The following FRRS1 variants were observed in gnomAD, a reference collection of about 807,000 sequenced individuals.
The protein encoded by FRRS1 is ferric chelate reductase 1.
Under a neutral mutation model 70.7 loss-of-function variants are expected in FRRS1, and 51 were observed. The ratio of observed to expected loss-of-function variants is 0.72; its 90% CI spans 0.58 to 0.91. The LOEUF is 0.91. FRRS1 is among the 40% of genes least tolerant of loss of function. The probability of loss-of-function intolerance (pLI) is 0.00; values close to 1 mark genes in which losing one functional copy is unlikely to be tolerated. For missense variants in FRRS1, 672 were observed against 726.0 expected, an observed-to-expected ratio of 0.93 and a Z score of 0.86; for synonymous variants, 225 against 238.7, an observed-to-expected ratio of 0.94 and a Z score of 0.53.
intron 7 of FRRS1, among the ~76,000 whole-genome samples, chr1:99,733,000 C>A (rs747518553): frequency 3.3e-5 from 5 of 151,952 alleles, no homozygotes; most frequent in African/African-American, 7.3e-5. Flanking sequence ...CATGCCACTA[C>A]GCCCAGCTAA....
intron 4 of FRRS1, among the ~76,000 whole-genome samples, chr1:99,746,424 CTG>C (rs1656271303): frequency 3.3e-5 from 5 of 152,166 alleles, no homozygotes; most frequent in African/African-American, 1.2e-4. Context: ...TGAAGAAACA[CTG>C]TATCTAGATG....
intron 9 of FRRS1, among the ~76,000 whole-genome samples, chr1:99,719,898 T>G (rs1238466985): frequency 6.6e-6 from 1 of 152,136 alleles, no homozygotes; most frequent in Non-Finnish European, 1.5e-5. Flanking sequence ...GAATGGAGAA[T>G]GTATAGTAAA....
chr1:99,743,176 A>G (rs1656058632), intron 4 of FRRS1, among the ~76,000 whole-genome samples: 1 of 152,200 alleles, frequency 6.6e-6, no homozygotes, highest in Non-Finnish European at 1.5e-5. Flanking sequence ...TATTGCACAT[A>G]AAATTAAGGA....
chr1:99,725,549 T>C (rs1655045659), intron 9 of FRRS1, among the ~76,000 whole-genome samples: 1 of 152,158 alleles, frequency 6.6e-6, no homozygotes, highest in African/African-American at 2.4e-5. Context: ...GGAATCTGCA[T>C]TGCTAGCAGT....
chr1:99,741,639 T>C (rs1408431219), intron 5 of FRRS1, among the ~76,000 whole-genome samples: 1 of 152,236 alleles, frequency 6.6e-6, no homozygotes, highest in East Asian at 1.9e-4. Flanking sequence ...GAGTCTAATC[T>C]GCAAGTTGTA....
Position 99,738,097 on chromosome 1 carries a change from C to G in FRRS1, c.748G>C (p.Asp250His). 1 of 1,611,724 alleles carries G rather than the reference C, an allele frequency of 6.2e-7. No individual in the cohort carries two copies. ...KGYLSFALSH[D>H]QWMGDDDAYL... ...TGAGAGGTACCAACCATCCACTGATCATGAGACAATGCAAAGGATAAATAG... is the reference window on the plus strand; with the variant it reads ...TGAGAGGTACCAACCATCCACTGATGATGAGACAATGCAAAGGATAAATAG... Residue 250 changes from aspartate to histidine, a missense_variant, in exon 7 of 17, where the codon GAT (aspartate) becomes CAT (histidine). Coordinates refer to ENST00000646001, the MANE Select transcript of FRRS1 (RefSeq NM_001361041.2).
intron 3 of FRRS1, 154 bp from the exon 4 acceptor site, chr1:99,747,584 T>C (rs1656345208): frequency 4.4e-6 from 3 of 676,190 alleles, no homozygotes; most frequent in African/African-American, 1.8e-5. Context: ...CTCTAAACTT[T>C]TTCCATAAAA....
chr1:99,735,736 T>C lies in FRRS1; in HGVS notation c.759+2350A>G, dbSNP rs115559637. On this transcript the variant is annotated intron_variant, in intron 7 of 16. Coordinates refer to ENST00000646001, the MANE Select transcript of FRRS1 (RefSeq NM_001361041.2). ...AAGATTTCTAAGTAAGATAAATATATCTTGAATTAGAGAGAAATGCTTTTG... is the reference window on the plus strand; with the variant it reads ...AAGATTTCTAAGTAAGATAAATATACCTTGAATTAGAGAGAAATGCTTTTG... Among the ~76,000 whole-genome samples, 1,371 of 152,272 alleles carry C rather than the reference T, an allele frequency of 9.0e-3. 19 individuals are homozygous for C. The highest frequency in any genetic ancestry group is 0.031 in the African/African-American group (1,296 of 41,566).
intron 1 of FRRS1, among the ~76,000 whole-genome samples, chr1:99,757,849 T>C (rs1057426937): frequency 1.6e-4 from 24 of 151,894 alleles, no homozygotes; most frequent in African/African-American, 5.8e-4. Context: ...GGCCTGAAAA[T>C]AGAACCACCA....
intron 9 of FRRS1, among the ~76,000 whole-genome samples, chr1:99,720,834 AACACACACACACACACACACACACAC>A (rs57397996): frequency 3.6e-5 from 5 of 137,236 alleles, no homozygotes; most frequent in East Asian, 4.3e-4. Flanking sequence ...AGCATTTCCT[AACACACACACACACACACACACACAC>A]ACACACACAC....
intron 12 of FRRS1, among the ~76,000 whole-genome samples, chr1:99,713,447 T>C (rs1654371635): frequency 1.3e-5 from 2 of 152,232 alleles, no homozygotes; most frequent in Non-Finnish European, 2.9e-5. Context: ...AAAATCTTCA[T>C]AACTTCCTTA....
chr1:99,733,109 A>G (rs1472090372), intron 7 of FRRS1, among the ~76,000 whole-genome samples: 1 of 152,122 alleles, frequency 6.6e-6, no homozygotes, highest in Non-Finnish European at 1.5e-5. Flanking sequence ...ACAGACTCCC[A>G]AAGTGCTGGG....
At chr1:99,744,064 T>TTAAAA (rs370392159) in intron 4 of FRRS1, among the ~76,000 whole-genome samples, 1 of 124,358 alleles carries the variant, frequency 8.0e-6, no homozygotes, top group Non-Finnish European at 1.6e-5. Context: ...AGAACGATTG[T>TTAAAA]AAAAAAAAAA....
intron 14 of FRRS1, chr1:99,711,640 T>G (rs1654276657): frequency 6.4e-6 from 1 of 156,262 alleles, no homozygotes; most frequent in Non-Finnish European, 1.4e-5. Context: ...GGTGCCTACT[T>G]AGGTGTTTAT....
chr1:99,714,444 A>G (rs1475451500), intron 12 of FRRS1, among the ~76,000 whole-genome samples: 1 of 152,148 alleles, frequency 6.6e-6, no homozygotes, highest in African/African-American at 2.4e-5. Context: ...GGCCTCCCAA[A>G]GTGCTGGGAT....
At chr1:99,758,985 G>A (rs1487416290) in intron 1 of FRRS1, among the ~76,000 whole-genome samples, 1 of 152,124 alleles carries the variant, frequency 6.6e-6, no homozygotes, top group Non-Finnish European at 1.5e-5. Flanking sequence ...TAAATTTGTG[G>A]TCAGACCAGT....
intron 3 of FRRS1, 152 bp from the exon 4 acceptor site, chr1:99,747,582 T>A (rs919811003): frequency 4.4e-6 from 3 of 678,304 alleles, no homozygotes; most frequent in Admixed American, 3.4e-5. Flanking sequence ...AGCTCTAAAC[T>A]TTTTCCATAA....
Position 99,740,814 on chromosome 1 carries a change from G to T in FRRS1, c.555C>A (p.Pro185=), listed in dbSNP as rs751501823. 1.2e-6 allele frequency: 2 copies of T among 1,611,708 alleles called. No homozygotes were observed. Among genetic ancestry groups the T allele is most frequent in the Non-Finnish European group, 8.5e-7 (1 of 1,177,824 alleles). ...TTACTGGTTTGGTTAAGTGGGAAACGGGAGGTAACGTTGGCAAAGGTACTA... is the reference window on the plus strand; with the variant it reads ...TTACTGGTTTGGTTAAGTGGGAAACTGGAGGTAACGTTGGCAAAGGTACTA... ...ATVVPLPTLP[P]VSHLTKPFSA... is the part of the protein sequence containing the mutation. Residue 185 remains proline, a synonymous_variant, in exon 6 of 17, where the codon CCC becomes CCA. Coordinates refer to ENST00000646001, the MANE Select transcript of FRRS1 (RefSeq NM_001361041.2).
At chr1:99,710,305 A>T (rs1571088984) in intron 15 of FRRS1, among the ~76,000 whole-genome samples, 1 of 152,278 alleles carries the variant, frequency 6.6e-6, no homozygotes, top group South Asian at 2.1e-4. Context: ...GCCTGGCACC[A>T]AAACAAACCT....
Sources: gnomAD v4.1 joint callset for allele counts (sites outside exome capture counted in the v4.1 genomes callset) on GRCh38, gnomAD v4.1.1 for gene constraint, MANE v1.5 for transcripts, NCBI Gene and HGNC (gene_info 2026-07-23, HGNC 2026-07-21) for gene names.